Variants in HUWE1 observed in about 807,000 individuals in gnomAD.
HUWE1 encodes HECT, UBA and WWE domain containing E3 ubiquitin protein ligase 1.
Under a neutral mutation model 299.4 loss-of-function variants are expected in HUWE1, and 18 were observed. That is an observed-to-expected ratio of 0.06 (90% CI 0.04 to 0.09). The LOEUF is 0.09. HUWE1 is among the 10% of genes least tolerant of loss of function. HUWE1 has a pLI of 1.00. For synonymous variants in HUWE1, 1,317 were observed against 1,286.1 expected (o/e 1.02, Z -0.51); for missense variants, 1,832 against 3,462.3 (o/e 0.53, Z 11.82).
chrX:53,584,899 GAAC>G (rs1374900264), intron 40 of HUWE1, 110 bp downstream of exon 40: 6 of 820,815 alleles, frequency 7.3e-6, no homozygotes, highest in Middle Eastern at 4.1e-4. Context: ...AAGCTAAAAA[GAAC>G]AACGACAAAA....
At chrX:53,630,306 A>G (rs1307567037) in intron 12 of HUWE1, among the ~76,000 whole-genome samples, 1 of 112,047 alleles carries the variant, frequency 8.9e-6, no homozygotes, top group East Asian at 2.8e-4. Context: ...CAATAATAAC[A>G]GCAATGGTTA....
intron 49 of HUWE1, among the ~76,000 whole-genome samples, chrX:53,567,845 A>G (rs1210540222): frequency 3.6e-5 from 4 of 111,395 alleles, no homozygotes; most frequent in Non-Finnish European, 7.5e-5. Context: ...CCACGATACA[A>G]TATGAGCTAT....
chrX:53,642,876 A>G (rs1411143021), intron 7 of HUWE1, among the ~76,000 whole-genome samples: 1 of 112,240 alleles, frequency 8.9e-6, no homozygotes, highest in African/African-American at 3.2e-5. Flanking sequence ...AAACACTGTT[A>G]AACATTTTTA....
chrX:53,536,038 T>G, intron 80 of HUWE1, 109 bp downstream of exon 80: 1 of 513,694 alleles, frequency 1.9e-6, no homozygotes. Flanking sequence ...GAAGTCAAGA[T>G]GCTTCCTTAG....
Position 53,628,503 on chromosome X carries a change from G to A in HUWE1, c.1232C>T (p.Ala411Val). Residue 411 changes from alanine (A) to valine (V), a missense_variant, in exon 15 of 84, where the codon GCC becomes GTC. Transcript: ENST00000262854. ...AAAAAAGTACAGCACCTTCAATAAG[G>A]CTTCCATCATTCCACAGGAGACCAA... is the stretch of plus-strand genomic sequence containing the variant. ...EALVSCGMME[A>V]LLKVIKFLGD... 8.6e-7 allele frequency: 1 copy of A among 1,162,113 alleles called. No individual in the cohort carries two copies. Among genetic ancestry groups the A allele is most frequent in the Non-Finnish European group, 1.1e-6 (1 of 870,365 alleles).
chrX:53,546,932 A>G, intron 68 of HUWE1, 107 bp from the exon 69 acceptor site: 1 of 998,156 alleles, frequency 1.0e-6, no homozygotes. Flanking sequence ...TCAAAATGGG[A>G]AAGTACTGAA....
At chrX:53,638,381 G>A (rs1317480160) in intron 7 of HUWE1, among the ~76,000 whole-genome samples, 1 of 111,777 alleles carries the variant, frequency 8.9e-6, no homozygotes, top group Non-Finnish European at 1.9e-5. Flanking sequence ...AGTAACTTCT[G>A]AGCCTCACAG....
chrX:53,584,412 G>C, intron 40 of HUWE1, 67 bp from the exon 41 acceptor site: 1 of 895,063 alleles, frequency 1.1e-6, no homozygotes, highest in Non-Finnish European at 1.6e-6. Flanking sequence ...GGGGAGGGGA[G>C]GGACATCTCC....
chrX:53,682,937 C>T (rs1557054035), intron 2 of HUWE1, among the ~76,000 whole-genome samples: 1 of 111,660 alleles, frequency 9.0e-6, no homozygotes, highest in Non-Finnish European at 1.9e-5. Flanking sequence ...AACACCGACC[C>T]GTTCATAGTT....
intron 23 of HUWE1, among the ~76,000 whole-genome samples, chrX:53,612,579 C>G (rs1461305641): frequency 8.9e-6 from 1 of 111,737 alleles, no homozygotes; most frequent in Non-Finnish European, 1.9e-5. Flanking sequence ...GTGAATGAGG[C>G]AATGTCTTGC....
At position 53,575,187 on chromosome X, in the gene HUWE1, T is replaced by A. The variant is rs1556957180; in HGVS notation, c.6065A>T (p.Glu2022Val). ...QVFAADGAST[E>V]TSASGTSQGE... ...TTGGGAGGTCCCAGATGCGGAAGTC[T>A]CAGTGGAGGCACCATCTGCAGCAAA... The change falls in exon 46 of 84, where the codon GAG (glutamate) becomes GTG (valine). Residue 2022 changes from glutamate (E) to valine (V), a missense_variant. Physicochemically the swap from Glu to Val is moderately radical, Grantham distance 121. Around this residue, in one of 15 missense-constraint regions of HUWE1, gnomAD observed 157 missense variants for 252.3 expected, o/e 0.62. Coordinates refer to ENST00000262854, the MANE Select transcript of HUWE1 (RefSeq NM_031407.7). The A allele has an allele frequency of 5.0e-6, 6 of 1,205,921 alleles. No individual in the cohort carries two copies. The highest frequency in any genetic ancestry group is 5.6e-6 in the Non-Finnish European group (5 of 890,817).
At chrX:53,588,049 GCT>G (rs1602906229) in intron 37 of HUWE1, among the ~76,000 whole-genome samples, 1 of 111,441 alleles carries the variant, frequency 9.0e-6, no homozygotes, top group South Asian at 3.8e-4. Context: ...CTATGACCAA[GCT>G]CTGTTAGTAA....
intron 3 of HUWE1, among the ~76,000 whole-genome samples, chrX:53,655,621 T>C (rs1203674897): frequency 8.9e-6 from 1 of 111,892 alleles, no homozygotes; most frequent in Non-Finnish European, 1.9e-5. Flanking sequence ...GTCCATGTGG[T>C]GGAAACTATA....
intron 3 of HUWE1, among the ~76,000 whole-genome samples, chrX:53,655,877 G>A (rs782035905): frequency 8.9e-6 from 1 of 111,807 alleles, no homozygotes; most frequent in African/African-American, 3.3e-5. Context: ...ACTGCTGAAA[G>A]TTCTAGCCAA....
chrX:53,591,303 T>A (rs1327039343), intron 33 of HUWE1, among the ~76,000 whole-genome samples, 181 bp from the exon 34 acceptor site: 1 of 112,116 alleles, frequency 8.9e-6, no homozygotes, highest in Non-Finnish European at 1.9e-5. Flanking sequence ...TCTATAGCAT[T>A]CTAAGCTACA....
intron 17 of HUWE1, among the ~76,000 whole-genome samples, chrX:53,627,079 T>C (rs995508689): frequency 9.0e-6 from 1 of 111,320 alleles, no homozygotes; most frequent in Non-Finnish European, 1.9e-5. Context: ...AAAGACAATA[T>C]CCTGATCCCA....
intron 3 of HUWE1, among the ~76,000 whole-genome samples, chrX:53,674,645 G>A (rs1355190738): frequency 8.9e-6 from 1 of 111,819 alleles, no homozygotes; most frequent in African/African-American, 3.3e-5. Context: ...AAAACTCTGT[G>A]ACATTCTCTG....
chrX:53,559,158 G>A (rs1380809686), intron 57 of HUWE1, 98 bp from the exon 58 acceptor site: 4 of 785,631 alleles, frequency 5.1e-6, no homozygotes, highest in Non-Finnish European at 7.6e-6. Context: ...AAGGACCCAA[G>A]GTCTATCACA....
chrX:53,580,354 A>G (rs2063556667), intron 43 of HUWE1, among the ~76,000 whole-genome samples: 1 of 112,170 alleles, frequency 8.9e-6, no homozygotes, highest in African/African-American at 3.2e-5. Flanking sequence ...TCATAACATT[A>G]ATATTTTTGA....
Sources: allele counts gnomAD v4.1 joint callset (sites outside exome capture counted in the v4.1 genomes callset), GRCh38; gene constraint gnomAD v4.1.1; regional missense constraint gnomAD v4.1.1; transcripts MANE v1.5; gene names NCBI Gene and HGNC (gene_info 2026-07-23, HGNC 2026-07-21).